PLCB1: variants seen among roughly 807,000 people sequenced by gnomAD.
PLCB1 encodes the protein phospholipase C beta 1, also known as 1-phosphatidylinositol 4,5-bisphosphate phosphodiesterase beta-1.
In PLCB1, 46 loss-of-function variants were observed where a neutral mutation model predicts 161.8. The observed-to-expected ratio is 0.28, with a 90% confidence interval of 0.22 to 0.36. PLCB1 has a LOEUF of 0.36. Among genes scored for constraint, PLCB1 ranks in the 10% least tolerant of loss-of-function variants. PLCB1 has a pLI of 1.00. For synonymous variants in PLCB1, 517 were observed against 503.7 expected (o/e 1.03, Z -0.35); for missense variants, 1,016 against 1,472.5 (o/e 0.69, Z 5.07).
intron 2 of PLCB1, among the ~76,000 whole-genome samples, chr20:8,333,795 C>G (rs79470905): frequency 6.6e-6 from 1 of 152,336 alleles, no homozygotes; most frequent in East Asian, 1.9e-4. Context: ...TGTGTGGCCC[C>G]TGCTCTGCAC....
At chr20:8,232,811 G>A (rs1980127303) in intron 2 of PLCB1, among the ~76,000 whole-genome samples, 1 of 152,048 alleles carries the variant, frequency 6.6e-6, no homozygotes, top group Non-Finnish European at 1.5e-5. Context: ...TCCTTTCTTG[G>A]TTTAGCACTT....
intron 28 of PLCB1, 25 bp from the exon 29 acceptor site, chr20:8,788,608 T>C: frequency 1.3e-6 from 2 of 1,595,376 alleles, no homozygotes; most frequent in Non-Finnish European, 1.7e-6. Context: ...CTCTTTTTTC[T>C]CTTTTACTTC....
chr20:8,137,778 C>A (rs1040188105), intron 1 of PLCB1, among the ~76,000 whole-genome samples: 1 of 152,144 alleles, frequency 6.6e-6, no homozygotes, highest in Non-Finnish European at 1.5e-5. Context: ...CTAAGGGTAA[C>A]CCTTATCTTG....
chr20:8,432,140 G>A (rs1296221413), intron 3 of PLCB1, among the ~76,000 whole-genome samples: 1 of 152,134 alleles, frequency 6.6e-6, no homozygotes, highest in Non-Finnish European at 1.5e-5. Context: ...AATCTGGCTT[G>A]CAGACAATCT....
chr20:8,163,237 G>T (rs1263193069), intron 2 of PLCB1, among the ~76,000 whole-genome samples: 3 of 152,196 alleles, frequency 2.0e-5, no homozygotes, highest in Non-Finnish European at 4.4e-5. Context: ...CCATTGGAGA[G>T]CCCTGGGAGA....
intron 3 of PLCB1, among the ~76,000 whole-genome samples, chr20:8,481,391 G>T (rs1406558481): frequency 6.6e-6 from 1 of 152,020 alleles, no homozygotes; most frequent in Non-Finnish European, 1.5e-5. Context: ...CTTTGAAGGG[G>T]CTTTTTCTAG....
intron 31 of PLCB1, among the ~76,000 whole-genome samples, chr20:8,850,769 T>C (rs572751695): frequency 6.6e-6 from 1 of 152,326 alleles, no homozygotes; most frequent in East Asian, 1.9e-4. Flanking sequence ...TCTGGTGCCA[T>C]GGTCTTGGAA....
At chr20:8,296,073 T>C (rs1249928382) in intron 2 of PLCB1, among the ~76,000 whole-genome samples, 1 of 152,146 alleles carries the variant, frequency 6.6e-6, no homozygotes, top group Non-Finnish European at 1.5e-5. Context: ...AGGATTGAAA[T>C]CTATATTAAG....
At chr20:8,172,358 G>C (rs1203244805) in intron 2 of PLCB1, among the ~76,000 whole-genome samples, 1 of 152,094 alleles carries the variant, frequency 6.6e-6, no homozygotes, top group Non-Finnish European at 1.5e-5. Context: ...TAAGCCATGT[G>C]GTTGGTTATC....
intron 31 of PLCB1, among the ~76,000 whole-genome samples, chr20:8,803,591 A>C (rs985884099): frequency 2.0e-5 from 3 of 152,148 alleles, no homozygotes; most frequent in Non-Finnish European, 2.9e-5. Context: ...CCATATTGGA[A>C]GGTGAGTAGA....
chr20:8,363,512 C>G (rs775588263), intron 2 of PLCB1, among the ~76,000 whole-genome samples: 9 of 152,172 alleles, frequency 5.9e-5, no homozygotes, highest in African/African-American at 2.2e-4. Context: ...ATGGCCTACC[C>G]AAGATATCTC....
chr20:8,733,110 C>A, intron 18 of PLCB1, 128 bp from the exon 19 acceptor site: 2 of 931,280 alleles, frequency 2.1e-6, no homozygotes, highest in Non-Finnish European at 3.3e-6. Flanking sequence ...TCCTGCATTT[C>A]TACAATGACT....
intron 31 of PLCB1, among the ~76,000 whole-genome samples, chr20:8,816,139 A>G (rs1257642462): frequency 1.3e-5 from 2 of 152,224 alleles, no homozygotes; most frequent in Non-Finnish European, 2.9e-5. Context: ...AGAAAAAACC[A>G]GGAGATACAG....
At chr20:8,568,970 A>G (rs1986423960) in intron 3 of PLCB1, among the ~76,000 whole-genome samples, 1 of 152,224 alleles carries the variant, frequency 6.6e-6, no homozygotes, top group South Asian at 2.1e-4. Context: ...ATTGGGGATG[A>G]GAGGTTATAA....
intron 12 of PLCB1, among the ~76,000 whole-genome samples, chr20:8,709,082 C>A (rs1225589373): frequency 6.6e-6 from 1 of 152,128 alleles, no homozygotes; most frequent in East Asian, 1.9e-4. Flanking sequence ...TTTTATAACC[C>A]TTCTTCATTA....
chr20:8,371,288 T>A, intron 2 of PLCB1, 94 bp from the exon 3 acceptor site: 1 of 750,176 alleles, frequency 1.3e-6, no homozygotes, highest in East Asian at 2.5e-5. Context: ...TTCAGTCAAG[T>A]CTCAAGATAA....
chr20:8,708,605 A>G (rs1453713003), intron 11 of PLCB1, 65 bp from the exon 12 acceptor site: 14 of 940,058 alleles, frequency 1.5e-5, no homozygotes, highest in South Asian at 6.8e-5. Flanking sequence ...TAGATTTAAT[A>G]CCTTTCAAGA....
intron 3 of PLCB1, among the ~76,000 whole-genome samples, chr20:8,500,345 C>T (rs770155184): frequency 1.1e-4 from 16 of 152,170 alleles, no homozygotes; most frequent in African/African-American, 2.7e-4. Context: ...CATTTACATT[C>T]GGATTCTATA....
At chr20:8,774,405 T>G (rs1040939803) in intron 26 of PLCB1, 134 bp from the exon 27 acceptor site, 268 of 794,374 alleles carry the variant, frequency 3.4e-4, no homozygotes, top group Middle Eastern at 1.2e-3. Flanking sequence ...GGTCTCACCC[T>G]CTACCCCAAG....
Sources: gnomAD v4.1 joint callset for allele counts (sites outside exome capture counted in the v4.1 genomes callset) on GRCh38, gnomAD v4.1.1 for gene constraint, MANE v1.5 for transcripts, NCBI Gene and HGNC (gene_info 2026-07-23, HGNC 2026-07-21) for gene names.